SYT7: variants seen among roughly 807,000 people sequenced by gnomAD.
SYT7 encodes synaptotagmin 7.
In SYT7, 29 loss-of-function variants were observed where a neutral mutation model predicts 75.1. The ratio of observed to expected loss-of-function variants is 0.39; its 90% CI spans 0.29 to 0.53. The LOEUF is 0.53. Among genes scored for constraint, SYT7 ranks in the 20% least tolerant of loss-of-function variants. The probability of loss-of-function intolerance (pLI) is 0.77; values close to 1 mark genes in which losing one functional copy is unlikely to be tolerated. For synonymous variants in SYT7, 376 were observed against 401.7 expected, an observed-to-expected ratio of 0.94 and a Z score of 0.76; for missense variants, 693 against 953.2, an observed-to-expected ratio of 0.73 and a Z score of 3.59.
chr11:61,583,219 C>T (rs576887354), upstream of SYT7, among the ~76,000 whole-genome samples: 7 of 151,182 alleles, frequency 4.6e-5, no homozygotes, highest in South Asian at 2.1e-4. Flanking sequence ...AGAGTGAGCC[C>T]GGTCTCAAAA....
chr11:61,523,899 AG>A lies in SYT7; in HGVS notation c.1683del (p.Ser562LeufsTer7). 1 of 1,613,954 alleles carries A rather than the reference AG, an allele frequency of 6.2e-7. No homozygotes were observed. Among genetic ancestry groups the A allele is most frequent in the South Asian group, 1.1e-5 (1 of 91,074 alleles). On this transcript the variant is annotated frameshift_variant, in exon 11 of 13. Coordinates refer to ENST00000539008, the MANE Select transcript of SYT7 (RefSeq NM_001365809.2). LOFTEE classifies it high-confidence loss of function. The surrounding 1 kb of genome is among the most constrained non-coding windows in gnomAD (Gnocchi z 5.0). ...GELLLSLCYN[P>X]SANSIIVNII... ...ATGTTCACGATGATGGAGTTGGCAGAGGGGTTGTAGCAGAGAGACAAGAGCA... is the reference window on the plus strand; with the variant it reads ...ATGTTCACGATGATGGAGTTGGCAGAGGGTTGTAGCAGAGAGACAAGAGCA...
intron 6 of SYT7, among the ~76,000 whole-genome samples, chr11:61,539,196 G>A (rs974727050): frequency 3.9e-5 from 6 of 152,196 alleles, no homozygotes; most frequent in East Asian, 3.9e-4. Flanking sequence ...GTGAGAGATC[G>A]TGCTTTGAGG....
intron 6 of SYT7, among the ~76,000 whole-genome samples, chr11:61,541,717 A>AGAGG (rs1309293994): frequency 8.6e-6 from 1 of 116,370 alleles, no homozygotes; most frequent in Non-Finnish European, 1.7e-5. Context: ...AGAGGAAGTG[A>AGAGG]GAGGGAGGGA....
intron 5 of SYT7, among the ~76,000 whole-genome samples, chr11:61,544,432 C>T (rs928865402): frequency 6.6e-6 from 1 of 152,198 alleles, no homozygotes; most frequent in Non-Finnish European, 1.5e-5. Context: ...GAAAGCAAAA[C>T]GTAGCTTTAG....
chr11:61,531,373 A>G (rs988510791), intron 8 of SYT7, among the ~76,000 whole-genome samples: 1 of 152,076 alleles, frequency 6.6e-6, no homozygotes, highest in Admixed American at 6.6e-5. Flanking sequence ...GGAAGCTGTA[A>G]CCAATTAAGG....
chr11:61,541,014 CCATGGGCCACTCGCACGGGTAT>C (rs2135229976), intron 6 of SYT7: 1 of 985,504 alleles, frequency 1.0e-6, no homozygotes, highest in East Asian at 1.1e-4. Flanking sequence ...GTCTTGCTGG[CCATGGGCCACTCGCACGGGTAT>C]GGGAAGCTGG....
chr11:61,540,108 A>T (rs1373310225), intron 6 of SYT7: 1 of 152,202 alleles, frequency 6.6e-6, no homozygotes, highest in East Asian at 1.9e-4. Flanking sequence ...TCCTCTGCAT[A>T]AATTCCCGAT....
intron 6 of SYT7, among the ~76,000 whole-genome samples, chr11:61,538,811 G>A (rs2062958426): frequency 6.6e-6 from 1 of 152,202 alleles, no homozygotes; most frequent in Admixed American, 6.5e-5. Flanking sequence ...GGCTTTGAAA[G>A]TTTCGAAATC....
chr11:61,549,676 G>A (rs1217640480), intron 3 of SYT7, among the ~76,000 whole-genome samples: 2 of 152,234 alleles, frequency 1.3e-5, no homozygotes, highest in Non-Finnish European at 2.9e-5. Context: ...GGTGGCTTCT[G>A]TCCCTCGGGG....
At chr11:61,575,790 G>A (rs1454382279) in intron 1 of SYT7, among the ~76,000 whole-genome samples, 4 of 152,124 alleles carry the variant, frequency 2.6e-5, no homozygotes, top group Non-Finnish European at 4.4e-5. Flanking sequence ...TGTTTACAGC[G>A]GTCCTGGCAC....
At chr11:61,531,751 G>A (rs184753621) in intron 8 of SYT7, among the ~76,000 whole-genome samples, 10 of 151,812 alleles carry the variant, frequency 6.6e-5, no homozygotes, top group Non-Finnish European at 1.2e-4. Context: ...AAAATTAGCC[G>A]GGCGTGGTGG....
At chr11:61,529,591 C>T (rs1161619592) in intron 8 of SYT7, among the ~76,000 whole-genome samples, 1 of 152,186 alleles carries the variant, frequency 6.6e-6, no homozygotes, top group African/African-American at 2.4e-5. Flanking sequence ...GGCAAAGACC[C>T]ACAGACACCG....
In SYT7 at chr11:61,538,154, CCT is replaced by C. The variant is rs1262643675; in HGVS notation, c.1052_1053del (p.Gln351ArgfsTer25). On this transcript the variant is annotated frameshift_variant, in exon 7 of 13. Transcript: ENST00000539008. LOFTEE classifies it high-confidence loss of function. Reference protein sequence around the residue: ...NPGTQQNQNAQGDKRLPAGGK... With the variant: ...NPGTQQNQNAXGDKRLPAGGK... ...CGCCTGTGCTCGTACCTCTTGTCCC[CCT>C]GAGCGTTCTGGTTCTGCTGGGTTCC... 2 of 1,536,062 alleles carry C rather than the reference CCT, an allele frequency of 1.3e-6. No individual in the cohort carries two copies. Among genetic ancestry groups the C allele is most frequent in the Non-Finnish European group, 1.7e-6 (2 of 1,146,860 alleles).
chr11:61,532,220 C>G (rs2062734116), intron 8 of SYT7, among the ~76,000 whole-genome samples: 1 of 152,228 alleles, frequency 6.6e-6, no homozygotes, highest in South Asian at 2.1e-4. Flanking sequence ...GTGCTGGGTT[C>G]CCAGCCTCAT....
intron 1 of SYT7, among the ~76,000 whole-genome samples, chr11:61,572,118 G>C (rs887689510): frequency 1.3e-4 from 17 of 135,282 alleles, no homozygotes; most frequent in African/African-American, 4.7e-4. Context: ...AATGAGGTTG[G>C]GGGGGGGGCA....
At chr11:61,574,205 T>G (rs747309924) in intron 1 of SYT7, among the ~76,000 whole-genome samples, 15 of 152,248 alleles carry the variant, frequency 9.9e-5, no homozygotes, top group Non-Finnish European at 1.9e-4. Context: ...GCTGGCTCTC[T>G]GCTAAATACT....
chr11:61,522,977 G>T, intron 12 of SYT7, 98 bp downstream of exon 12: 1 of 1,236,750 alleles, frequency 8.1e-7, no homozygotes, highest in Non-Finnish European at 1.2e-6. Flanking sequence ...CTCTCCTGGT[G>T]TCCAGCCTGT....
At chr11:61,556,764 A>G (rs1227201323) in intron 1 of SYT7, among the ~76,000 whole-genome samples, 3 of 152,300 alleles carry the variant, frequency 2.0e-5, no homozygotes, top group East Asian at 1.9e-4. Flanking sequence ...CTCACCAGCC[A>G]TATGTGTAGT....
At chr11:61,577,039 A>G (rs2064102358) in intron 1 of SYT7, among the ~76,000 whole-genome samples, 1 of 152,062 alleles carries the variant, frequency 6.6e-6, no homozygotes, top group African/African-American at 2.4e-5. Context: ...CCCCAGTATG[A>G]GGAGGGGCTT....
Sources: allele counts gnomAD v4.1 joint callset (sites outside exome capture counted in the v4.1 genomes callset), GRCh38; gene constraint gnomAD v4.1.1; non-coding constraint Gnocchi (gnomAD v3.1); transcripts MANE v1.5; gene names NCBI Gene and HGNC (gene_info 2026-07-23, HGNC 2026-07-21).